BCL2: variants seen among roughly 807,000 people sequenced by gnomAD.
The protein encoded by BCL2 is BCL2 apoptosis regulator.
Under a neutral mutation model 14.2 loss-of-function variants are expected in BCL2, and 1 was observed. The observed-to-expected ratio is 0.07, with a 90% CI of 0.02 to 0.33. The LOEUF is 0.33. Among genes scored for constraint, BCL2 ranks in the 10% least tolerant of loss-of-function variants. The pLI, the probability that BCL2 is intolerant of heterozygous loss-of-function variation, is 0.99. For missense variants in BCL2, 247 were observed against 305.9 expected, an observed-to-expected ratio of 0.81 and a Z score of 1.44; for synonymous variants, 151 against 137.2, an observed-to-expected ratio of 1.10 and a Z score of -0.70.
intron 2 of BCL2, among the ~76,000 whole-genome samples, chr18:63,250,467 T>C (rs930500399): frequency 6.6e-6 from 1 of 152,264 alleles, no homozygotes; most frequent in Non-Finnish European, 1.5e-5. Context: ...TTATTTTTCA[T>C]GAAATCTACA....
At chr18:63,140,298 C>T (rs1914321323) in intron 2 of BCL2, among the ~76,000 whole-genome samples, 3 of 152,216 alleles carry the variant, frequency 2.0e-5, no homozygotes, top group Admixed American at 6.5e-5. Context: ...ACTCCTAGTA[C>T]ACCCAAAGGA....
intron 2 of BCL2, among the ~76,000 whole-genome samples, chr18:63,188,991 T>A (rs1232689586): frequency 3.9e-5 from 4 of 102,042 alleles, no homozygotes; most frequent in Admixed American, 3.2e-4. Context: ...ATTTCTTTTT[T>A]TCCCCAAGTT....
At chr18:63,202,267 C>G (rs1001503096) in intron 2 of BCL2, among the ~76,000 whole-genome samples, 3 of 152,152 alleles carry the variant, frequency 2.0e-5, no homozygotes, top group Non-Finnish European at 4.4e-5. Flanking sequence ...CGAGATCGGG[C>G]CACTGCACTC....
rs527758192 is a variant in BCL2, at chr18:63,213,691, G to A, written c.586-84932C>T. On this transcript the variant is annotated intron_variant, in intron 2 of 2. Coordinates refer to ENST00000333681, the MANE Select transcript of BCL2 (RefSeq NM_000633.3). Reference sequence around the variant, plus strand: ...CTTTTCCCGGCACTGAGAATGCACTGAAGAATGATGAAATCACACTCCAGA... The same window carrying A: ...CTTTTCCCGGCACTGAGAATGCACTAAAGAATGATGAAATCACACTCCAGA... Among the ~76,000 whole-genome samples the A allele has an allele frequency of 2.6e-4, 40 of 152,200 alleles. 1 individual carries two copies. In the South Asian group the frequency reaches 7.9e-3, roughly 30 times the overall value.
intron 2 of BCL2, among the ~76,000 whole-genome samples, chr18:63,241,362 C>G (rs866237056): frequency 6.6e-6 from 1 of 152,098 alleles, no homozygotes; most frequent in Non-Finnish European, 1.5e-5. Context: ...ATTAGCTGAC[C>G]CACCAAGCAT....
chr18:63,266,131 C>T (rs1324451191), intron 2 of BCL2, among the ~76,000 whole-genome samples: 1 of 151,992 alleles, frequency 6.6e-6, no homozygotes, highest in Non-Finnish European at 1.5e-5. Context: ...ATCTCTGCGG[C>T]ACTGATTGTA....
intron 2 of BCL2, among the ~76,000 whole-genome samples, chr18:63,189,189 TAA>T (rs34498028): frequency 0.017 from 2,355 of 135,290 alleles, 14 homozygotes; most frequent in East Asian, 0.049. Flanking sequence ...TAACAGCATA[TAA>T]AAAAAAAAAA....
intron 2 of BCL2, among the ~76,000 whole-genome samples, chr18:63,174,367 C>A (rs1915298805): frequency 6.6e-6 from 1 of 151,876 alleles, no homozygotes; most frequent in East Asian, 1.9e-4. Flanking sequence ...TGTCTCAGGT[C>A]TTTTATTGTT....
At chr18:63,306,566 C>A (rs146638183) in intron 2 of BCL2, among the ~76,000 whole-genome samples, 3,054 of 152,326 alleles carry the variant, frequency 0.02, 33 homozygotes, top group African/African-American at 0.034. Flanking sequence ...TGAAGTTCTG[C>A]CTGGGGCCAC....
At chr18:63,285,231 G>A (rs1912436515) in intron 2 of BCL2, among the ~76,000 whole-genome samples, 1 of 152,214 alleles carries the variant, frequency 6.6e-6, no homozygotes, top group Non-Finnish European at 1.5e-5. Context: ...CCAGCAGTTT[G>A]TGTGTACTCA....
intron 2 of BCL2, among the ~76,000 whole-genome samples, chr18:63,235,458 T>A (rs1044792582): frequency 6.6e-6 from 1 of 152,116 alleles, no homozygotes; most frequent in Admixed American, 6.5e-5. Flanking sequence ...TGTATAGAGG[T>A]CCATGTTTTG....
At chr18:63,179,649 A>C (rs1370761381) in intron 2 of BCL2, among the ~76,000 whole-genome samples, 1 of 152,202 alleles carries the variant, frequency 6.6e-6, no homozygotes, top group Non-Finnish European at 1.5e-5. Context: ...GAGGGAGCAT[A>C]TCTCAGCAAA....
intron 2 of BCL2, among the ~76,000 whole-genome samples, chr18:63,157,284 G>C (rs531297901): frequency 7.2e-5 from 11 of 152,294 alleles, no homozygotes; most frequent in African/African-American, 2.6e-4. Context: ...CATAATCATG[G>C]TACCTTGTTC....
At chr18:63,231,972 T>C (rs1435483366) in intron 2 of BCL2, among the ~76,000 whole-genome samples, 1 of 152,060 alleles carries the variant, frequency 6.6e-6, no homozygotes, top group African/African-American at 2.4e-5. Context: ...ATAGTATTGG[T>C]GTAAATATAG....
At chr18:63,315,348 G>A (rs1266315870) in intron 2 of BCL2, 1 of 152,200 alleles carries the variant, frequency 6.6e-6, no homozygotes, top group Non-Finnish European at 1.5e-5. Flanking sequence ...CCACTCTACA[G>A]CCAATTACTT....
chr18:63,269,996 A>G (rs902390571), intron 2 of BCL2, among the ~76,000 whole-genome samples: 2 of 152,168 alleles, frequency 1.3e-5, no homozygotes, highest in Non-Finnish European at 2.9e-5. Flanking sequence ...TCTAACTACA[A>G]AAATTTATCT....
chr18:63,275,722 T>C (rs1043701048), intron 2 of BCL2, among the ~76,000 whole-genome samples: 9 of 152,218 alleles, frequency 5.9e-5, no homozygotes, highest in African/African-American at 1.9e-4. Context: ...GGGATTCCAG[T>C]TACAGGAAAG....
intron 2 of BCL2, among the ~76,000 whole-genome samples, chr18:63,254,492 G>T (rs1284579788): frequency 6.7e-6 from 1 of 149,564 alleles, no homozygotes; most frequent in Non-Finnish European, 1.5e-5. Flanking sequence ...GGAGGCAGAG[G>T]TTGCAGGAGC....
In BCL2 at chr18:63,212,277, A is replaced by G. The variant is rs988721172; in HGVS notation, c.586-83518T>C. 9.2e-5 allele frequency among the ~76,000 whole-genome samples: 14 copies of G among 151,648 alleles called. 1 individual carries two copies. Among genetic ancestry groups the G allele is most frequent in the Non-Finnish European group, 1.3e-4 (9 of 67,780 alleles). ...CAGGAGGCAGAGGTTGCAGTGAGCC[A>G]AGAGCATGCCACTGCACTCCAGCCT... On this transcript the variant is annotated intron_variant, in intron 2 of 2. Coordinates refer to ENST00000333681, the MANE Select transcript of BCL2 (RefSeq NM_000633.3).
Sources: gnomAD v4.1 joint callset for allele counts (sites outside exome capture counted in the v4.1 genomes callset) on GRCh38, gnomAD v4.1.1 for gene constraint, MANE v1.5 for transcripts, NCBI Gene and HGNC (gene_info 2026-07-23, HGNC 2026-07-21) for gene names.